Variants in HEATR3 observed in about 807,000 individuals in gnomAD.
The protein encoded by HEATR3 is HEAT repeat containing 3, also known as HEAT repeat-containing protein 3.
HEATR3 carries 56 observed loss-of-function variants against 72.8 expected under a neutral mutation model. The observed-to-expected ratio is 0.77, with a 90% CI of 0.62 to 0.96. The LOEUF (loss-of-function observed/expected upper bound fraction) is 0.96. HEATR3 is among the 40% of genes least tolerant of loss of function. The pLI is 0.00. For missense variants in HEATR3, 747 were observed against 831.4 expected (o/e 0.90, Z 1.25); for synonymous variants, 331 against 318.1 (o/e 1.04, Z -0.43).
chr16:50,098,849 C>T (rs2037304392), intron 12 of HEATR3, among the ~76,000 whole-genome samples: 1 of 151,940 alleles, frequency 6.6e-6, no homozygotes, highest in South Asian at 2.1e-4. Flanking sequence ...ATTGTAGTGA[C>T]ATTAAAACTA....
chr16:50,089,822 A>G (rs184183889), intron 11 of HEATR3, among the ~76,000 whole-genome samples: 14 of 151,864 alleles, frequency 9.2e-5, no homozygotes, highest in Admixed American at 7.9e-4. Flanking sequence ...GTGCCTGCCA[A>G]TGCGCCCAGC....
At chr16:50,092,094 T>C (rs1303855759) in intron 11 of HEATR3, among the ~76,000 whole-genome samples, 2 of 152,048 alleles carry the variant, frequency 1.3e-5, no homozygotes, top group African/African-American at 4.8e-5. Context: ...CCCAGCACTT[T>C]GGGATGCTGA....
chr16:50,089,475 G>A (rs532460252), intron 11 of HEATR3, among the ~76,000 whole-genome samples: 10 of 152,274 alleles, frequency 6.6e-5, no homozygotes, highest in Admixed American at 6.5e-4. Flanking sequence ...CCTCTGGGCT[G>A]TCCAGCTTGC....
intron 7 of HEATR3, among the ~76,000 whole-genome samples, chr16:50,083,503 C>T (rs1396029056): frequency 6.6e-6 from 1 of 152,144 alleles, no homozygotes; most frequent in East Asian, 1.9e-4. Context: ...GCAGCCATTC[C>T]AAGAAAGACA....
At chr16:50,074,955 C>G (rs989403029) in intron 5 of HEATR3, 1 of 150,658 alleles carries the variant, frequency 6.6e-6, no homozygotes, top group African/African-American at 2.4e-5. Context: ...GCACTCTAGC[C>G]TGGGCGACAG....
At position 50,105,057 on chromosome 16, in the gene HEATR3, C is replaced by T. The variant is rs774424791; in HGVS notation, c.2039C>T (p.Ser680Phe). 3.7e-6 allele frequency: 6 copies of T among 1,608,612 alleles called. No individual in the cohort carries two copies. The Middle Eastern group carries it at 8.2e-4, about 221-fold the overall frequency. Residue 680 changes from serine (S) to phenylalanine (F), a missense_variant, in exon 15 of 15, where the codon TCT (serine) becomes TTT (phenylalanine). By Grantham distance (155) the Ser-to-Phe change is radical (BLOSUM62 -2). This residue lies in a region of HEATR3 where 586 missense variants were observed against 708.8 expected (regional missense o/e 0.83). Coordinates refer to ENST00000299192, the MANE Select transcript of HEATR3 (RefSeq NM_182922.4). ...YQETVEKRLT[S>F] ...GAAACTGTTGAGAAAAGACTGACTT[C>T]TTAAACAATCCAAAAAAGAAACCAG...
At chr16:50,095,496 C>T (rs145388494) in intron 12 of HEATR3, among the ~76,000 whole-genome samples, 16 of 151,124 alleles carry the variant, frequency 1.1e-4, no homozygotes, top group Middle Eastern at 3.4e-3. Context: ...CACTTCATCT[C>T]CCATAGGTGC....
Position 50,105,365 on chromosome 16 carries a change from G to C in HEATR3, c.*304G>C. 1 of 297,754 alleles carries C rather than the reference G, an allele frequency of 3.4e-6. No homozygotes were observed. Among genetic ancestry groups the C allele is most frequent in the South Asian group, 3.1e-5 (1 of 32,134 alleles). 18.4% of individuals were successfully genotyped at this position (297,754 alleles called of 1,614,324 possible). A position where few individuals can be genotyped will look rare whatever the true frequency, so the allele number is the denominator to read the frequency against. On this transcript the variant is annotated 3_prime_UTR_variant, in exon 15 of 15. Transcript: ENST00000299192. ...TGATCCCAGCTACTCGGGAGGCTGA[G>C]GGAGGAGAGTCGGTTGAACCTGGGA... is the stretch of plus-strand genomic sequence containing the variant.
Position 50,105,111 on chromosome 16 carries a change from A to C in HEATR3, c.*50A>C. 6.4e-7 allele frequency: 1 copy of C among 1,562,912 alleles called. No individual in the cohort carries two copies. The highest frequency in any genetic ancestry group is 8.7e-7 in the Non-Finnish European group (1 of 1,144,916). The stretch of plus-strand genomic sequence containing the variant: ...TTCCCCCAAAGTATTCAATGCTTAG[A>C]ATACTAAAAGGTTTTCTTTGAATGT... On this transcript the variant is annotated 3_prime_UTR_variant, in exon 15 of 15. Transcript: ENST00000299192.
At chr16:50,071,789 ATGTT>A (rs2036618096) in intron 4 of HEATR3, among the ~76,000 whole-genome samples, 1 of 152,230 alleles carries the variant, frequency 6.6e-6, no homozygotes. Context: ...TCATGTGTGT[ATGTT>A]ATATGTATGG....
At chr16:50,102,974 G>T (rs941175310) in intron 14 of HEATR3, among the ~76,000 whole-genome samples, 3 of 152,020 alleles carry the variant, frequency 2.0e-5, no homozygotes, top group Non-Finnish European at 4.4e-5. Context: ...TGTCATCCAG[G>T]CTGGTCTCGA....
At position 50,107,079 on chromosome 16, in the gene HEATR3, T is replaced by C. The variant is rs891568649; in HGVS notation, c.*2018T>C. Reference sequence around the variant, plus strand: ...AACGACTCTTCCAAAAAAGAAAGTATTAGAGTTCTCTCTGCCTCAATTATT... The same window carrying C: ...AACGACTCTTCCAAAAAAGAAAGTACTAGAGTTCTCTCTGCCTCAATTATT... On this transcript the variant is annotated 3_prime_UTR_variant, in exon 15 of 15. Coordinates refer to ENST00000299192, the MANE Select transcript of HEATR3 (RefSeq NM_182922.4). Among the ~76,000 whole-genome samples, 3 of 152,218 alleles carry C rather than the reference T, an allele frequency of 2.0e-5. No individual in the cohort carries two copies.
chr16:50,084,600 T>C lies in HEATR3; in HGVS notation c.1322T>C (p.Ile441Thr), dbSNP rs1408776838. The change falls in exon 10 of 15, where the codon ATT (isoleucine) becomes ACT (threonine). Residue 441 changes from isoleucine (I) to threonine (T), a missense_variant. This residue lies in a region of HEATR3 where 586 missense variants were observed against 708.8 expected (regional missense o/e 0.83). Coordinates refer to ENST00000299192, the MANE Select transcript of HEATR3 (RefSeq NM_182922.4). ...GAGAAAACTGCCTTTCCAAACAGCA[T>C]TGCAGTTGACCTATGTTCTAGGAAC... ...IFEKTAFPNS[I>T]AVDLCSRNPT... 3 of 1,613,376 alleles carry C rather than the reference T, an allele frequency of 1.9e-6. No homozygotes were observed. The highest frequency in any genetic ancestry group is 2.5e-6 in the Non-Finnish European group (3 of 1,179,644).
intron 10 of HEATR3, among the ~76,000 whole-genome samples, chr16:50,085,538 G>T (rs891248855): frequency 2.0e-5 from 3 of 152,130 alleles, no homozygotes; most frequent in Non-Finnish European, 4.4e-5. Context: ...GGAGGCTGAA[G>T]TGGGAGGATT....
intron 12 of HEATR3, among the ~76,000 whole-genome samples, chr16:50,095,405 C>CTTT (rs60357183): frequency 2.2e-5 from 3 of 136,130 alleles, no homozygotes; most frequent in East Asian, 2.1e-4. Context: ...CCGTACCCAG[C>CTTT]TTTTTTTTTT....
intron 12 of HEATR3, among the ~76,000 whole-genome samples, chr16:50,096,087 G>A (rs751319043): frequency 4.6e-5 from 7 of 152,060 alleles, no homozygotes; most frequent in Non-Finnish European, 1.0e-4. Context: ...CACTTTGGGA[G>A]GCTGAGGCGG....
At chr16:50,093,268 G>A (rs1414312873) in intron 11 of HEATR3, among the ~76,000 whole-genome samples, 1 of 152,162 alleles carries the variant, frequency 6.6e-6, no homozygotes, top group African/African-American at 2.4e-5. Context: ...TGTATCTATT[G>A]CTACGTAACA....
In HEATR3 at chr16:50,107,056, C is replaced by T. The variant is rs143732682; in HGVS notation, c.*1995C>T. On this transcript the variant is annotated 3_prime_UTR_variant, in exon 15 of 15. Transcript: ENST00000299192. ...GGCCCAAGCATGTCTCCTTGGAGAACGACTCTTCCAAAAAAGAAAGTATTA... is the reference window on the plus strand; with the variant it reads ...GGCCCAAGCATGTCTCCTTGGAGAATGACTCTTCCAAAAAAGAAAGTATTA... Among the ~76,000 whole-genome samples, 11 of 152,156 alleles carry T rather than the reference C, an allele frequency of 7.2e-5. No homozygotes were observed. The highest frequency in any genetic ancestry group is 5.8e-4 in the East Asian group (3 of 5,178).
At chr16:50,098,726 A>G (rs1394291555) in intron 12 of HEATR3, among the ~76,000 whole-genome samples, 1 of 151,838 alleles carries the variant, frequency 6.6e-6, no homozygotes, top group Non-Finnish European at 1.5e-5. Flanking sequence ...TTTTTCAAAA[A>G]TTTTATTATT....
Sources: gnomAD v4.1 joint callset for allele counts (sites outside exome capture counted in the v4.1 genomes callset) on GRCh38, gnomAD v4.1.1 for gene constraint, gnomAD v4.1.1 regional missense constraint, MANE v1.5 for transcripts, NCBI Gene and HGNC (gene_info 2026-07-23, HGNC 2026-07-21) for gene names.